Variants in SYTL5 observed in about 807,000 individuals in gnomAD.
The protein encoded by SYTL5 is synaptotagmin-like protein 5.
Under a neutral mutation model 55.9 loss-of-function variants are expected in SYTL5, and 34 were observed. The ratio of observed to expected loss-of-function variants is 0.61; its 90% CI spans 0.46 to 0.81. The LOEUF (loss-of-function observed/expected upper bound fraction) is 0.81. Among genes scored for constraint, SYTL5 ranks in the 30% least tolerant of loss-of-function variants. The pLI is 0.00. For missense variants in SYTL5, 637 were observed against 546.7 expected, an observed-to-expected ratio of 1.17 and a Z score of -1.65; for synonymous variants, 221 against 188.7, an observed-to-expected ratio of 1.17 and a Z score of -1.40.
intron 1 of SYTL5, among the ~76,000 whole-genome samples, chrX:38,026,805 T>C (rs1288101932): frequency 8.9e-6 from 1 of 111,747 alleles, no homozygotes; most frequent in Middle Eastern, 4.2e-3. Flanking sequence ...TTATGACCTG[T>C]ACCTTGTGCT....
chrX:38,061,392 T>G (rs1935939692), intron 3 of SYTL5, among the ~76,000 whole-genome samples: 1 of 111,667 alleles, frequency 9.0e-6, no homozygotes, highest in Non-Finnish European at 1.9e-5. Context: ...GCATAAATAA[T>G]ATTTTATTGG....
intron 3 of SYTL5, among the ~76,000 whole-genome samples, chrX:38,059,501 G>A (rs1347145356): frequency 1.8e-5 from 2 of 111,700 alleles, no homozygotes; most frequent in Admixed American, 9.5e-5. Flanking sequence ...TCAAAATTGG[G>A]ACCTTGGTCC....
the SYTL5 span, among the ~76,000 whole-genome samples, chrX:37,988,179 T>A: frequency 0.01 from 1,132 of 111,234 alleles, 10 homozygotes; most frequent in Admixed American, 0.037. Context: ...AAGAAGGAAA[T>A]GTGACTACTG....
chrX:37,978,942 C>T, the SYTL5 span, among the ~76,000 whole-genome samples: 1 of 111,394 alleles, frequency 9.0e-6, no homozygotes, highest in Non-Finnish European at 1.9e-5. Flanking sequence ...TGTATTATAA[C>T]ATAATGATTT....
intron 13 of SYTL5, among the ~76,000 whole-genome samples, chrX:38,115,449 A>C (rs1472378345): frequency 4.8e-5 from 4 of 82,501 alleles, no homozygotes; most frequent in Non-Finnish European, 6.6e-5. Flanking sequence ...GCGCCACTGC[A>C]CTCCAGCCTG....
intron 1 of SYTL5, chrX:38,023,912 TA>T (rs977452098): frequency 1.0e-5 from 1 of 95,603 alleles, no homozygotes; most frequent in Non-Finnish European, 2.3e-5. Context: ...TAGGTTGGTG[TA>T]AAAGTAATTG....
intron 15 of SYTL5, among the ~76,000 whole-genome samples, chrX:38,122,738 T>C (rs1937585805): frequency 8.9e-6 from 1 of 112,241 alleles, no homozygotes; most frequent in African/African-American, 3.2e-5. Context: ...AAAGGGCAGC[T>C]TCCTGAGGGA....
chrX:38,038,279 C>T (rs940344309), intron 2 of SYTL5, among the ~76,000 whole-genome samples: 4 of 111,801 alleles, frequency 3.6e-5, no homozygotes, highest in Non-Finnish European at 7.5e-5. Context: ...CTATAGCCCC[C>T]GTTCCCACAC....
chrX:37,890,102 T>A, the SYTL5 span, among the ~76,000 whole-genome samples: 1 of 110,182 alleles, frequency 9.1e-6, no homozygotes. Flanking sequence ...CCCTGAAGCA[T>A]GGCAAGATAA....
At chrX:37,956,160 C>T in the SYTL5 span, among the ~76,000 whole-genome samples, 2 of 112,282 alleles carry the variant, frequency 1.8e-5, no homozygotes, top group Admixed American at 9.5e-5. Context: ...TACATCTATA[C>T]TTGTACTTCA....
chrX:37,927,101 T>A, the SYTL5 span, among the ~76,000 whole-genome samples: 2 of 112,197 alleles, frequency 1.8e-5, no homozygotes, highest in African/African-American at 3.2e-5. Context: ...TTTTTTCACA[T>A]AAATAAATGC....
chrX:37,944,663 C>T, the SYTL5 span, among the ~76,000 whole-genome samples: 1 of 111,995 alleles, frequency 8.9e-6, no homozygotes. Context: ...AATCCTTAGC[C>T]AATGGTGAGT....
At chrX:37,917,685 C>T in the SYTL5 span, among the ~76,000 whole-genome samples, 1 of 111,843 alleles carries the variant, frequency 8.9e-6, no homozygotes, top group Non-Finnish European at 1.9e-5. Context: ...GTTTTTATAT[C>T]CCTCTTCAGC....
At chrX:37,972,137 G>C in the SYTL5 span, among the ~76,000 whole-genome samples, 2 of 110,298 alleles carry the variant, frequency 1.8e-5, no homozygotes, top group Admixed American at 1.9e-4. Flanking sequence ...TGAGGCTCCC[G>C]GTCACCCAAG....
At chrX:38,029,303 A>G in intron 1 of SYTL5, among the ~76,000 whole-genome samples, 1 of 112,360 alleles carries the variant, frequency 8.9e-6, no homozygotes, top group Non-Finnish European at 1.9e-5. Flanking sequence ...TTAAACTTTT[A>G]GGCAAAAAAA....
chrX:37,906,357 G>A, the SYTL5 span: 2 of 112,006 alleles, frequency 1.8e-5, no homozygotes, highest in Admixed American at 9.4e-5. Flanking sequence ...TTAATTTACC[G>A]GGTACCTTCA....
At chrX:37,982,295 C>A in the SYTL5 span, among the ~76,000 whole-genome samples, 1 of 111,337 alleles carries the variant, frequency 9.0e-6, no homozygotes. Flanking sequence ...ATGTAAAGTT[C>A]AATAGAGGGC....
In SYTL5 at chrX:38,054,250, A is replaced by C; in HGVS notation, c.157A>C (p.Ser53Arg). The change falls in exon 3 of 17, where the codon AGT becomes CGT. Residue 53 changes from serine (S) to arginine (R), a missense_variant. Physicochemically the swap from Ser to Arg is moderately radical, Grantham distance 110. Coordinates refer to ENST00000297875, the MANE Select transcript of SYTL5 (RefSeq NM_138780.3). The part of the protein sequence containing the change: ...KNELLEAKRR[S>R]GKTQQEASRV... Reference sequence around the variant, plus strand: ...TGAACTCTTAGAAGCAAAACGTAGAAGTGGGAAAACTCAACAAGAGGCCAG... The same window carrying C: ...TGAACTCTTAGAAGCAAAACGTAGACGTGGGAAAACTCAACAAGAGGCCAG... 1 of 1,211,043 alleles carries C rather than the reference A, an allele frequency of 8.3e-7. No individual in the cohort carries two copies. The highest frequency in any genetic ancestry group is 1.8e-5 in the South Asian group (1 of 56,854).
intron 10 of SYTL5, among the ~76,000 whole-genome samples, chrX:38,103,923 A>G (rs150950940): frequency 8.9e-6 from 1 of 112,055 alleles, no homozygotes; most frequent in African/African-American, 3.2e-5. Flanking sequence ...AAAAAATGCT[A>G]CAAGTGAAAG....
Sources: gnomAD v4.1 joint callset for allele counts (sites outside exome capture counted in the v4.1 genomes callset) on GRCh38, gnomAD v4.1.1 for gene constraint, MANE v1.5 for transcripts, NCBI Gene and HGNC (gene_info 2026-07-23, HGNC 2026-07-21) for gene names.